The following PRKN variants were observed in gnomAD, a reference collection of about 807,000 sequenced individuals.
PRKN encodes E3 ubiquitin-protein ligase parkin.
In PRKN, 56 loss-of-function variants were observed where a neutral mutation model predicts 59.5. The observed-to-expected ratio is 0.94, with a 90% CI of 0.76 to 1.18. The LOEUF is 1.18. Ranked by LOEUF, PRKN falls within the 50% of genes most tolerant of loss-of-function variation. The probability of loss-of-function intolerance (pLI) is 0.00; values close to 1 mark genes in which losing one functional copy is unlikely to be tolerated. For missense variants in PRKN, 657 were observed against 596.4 expected, an observed-to-expected ratio of 1.10 and a Z score of -1.06; for synonymous variants, 250 against 222.1, an observed-to-expected ratio of 1.13 and a Z score of -1.12.
At chr6:161,539,756 G>T (rs1376162734) in intron 9 of PRKN, among the ~76,000 whole-genome samples, 1 of 152,116 alleles carries the variant, frequency 6.6e-6, no homozygotes, top group Non-Finnish European at 1.5e-5. Context: ...CCCAAAGGCA[G>T]CCACTGTTCC....
intron 1 of PRKN, among the ~76,000 whole-genome samples, chr6:162,682,175 G>A (rs926377531): frequency 2.6e-5 from 4 of 151,946 alleles, no homozygotes; most frequent in African/African-American, 9.7e-5. Context: ...AGTGCATATA[G>A]TAGTGCTGTG....
intron 4 of PRKN, among the ~76,000 whole-genome samples, chr6:162,146,542 T>C (rs1024704665): frequency 6.6e-6 from 1 of 151,762 alleles, no homozygotes; most frequent in Non-Finnish European, 1.5e-5. Flanking sequence ...TCTTGCTCAG[T>C]CACGCAAGCA....
intron 1 of PRKN, among the ~76,000 whole-genome samples, chr6:162,628,360 G>A (rs1298327652): frequency 6.6e-6 from 1 of 152,148 alleles, no homozygotes; most frequent in Non-Finnish European, 1.5e-5. Flanking sequence ...TAACCTCGGA[G>A]ATGAAGAAAG....
At chr6:161,670,048 T>G (rs1784853934) in intron 7 of PRKN, among the ~76,000 whole-genome samples, 1 of 152,218 alleles carries the variant, frequency 6.6e-6, no homozygotes, top group Non-Finnish European at 1.5e-5. Context: ...ACTGAAGATC[T>G]GAGAGACATA....
At chr6:162,035,961 A>C (rs1467237518) in intron 5 of PRKN, among the ~76,000 whole-genome samples, 1 of 152,242 alleles carries the variant, frequency 6.6e-6, no homozygotes, top group Non-Finnish European at 1.5e-5. Flanking sequence ...ACTAGAAAAG[A>C]TTTTCATTAA....
intron 2 of PRKN, among the ~76,000 whole-genome samples, chr6:162,285,316 C>G (rs1254891925): frequency 1.7e-5 from 2 of 116,982 alleles, no homozygotes; most frequent in Non-Finnish European, 3.3e-5. Context: ...GGCATATACT[C>G]TTGACATAAC....
intron 7 of PRKN, among the ~76,000 whole-genome samples, chr6:161,678,723 C>T (rs1785186640): frequency 6.6e-6 from 1 of 151,918 alleles, no homozygotes; most frequent in Admixed American, 6.6e-5. Context: ...CACCACCATG[C>T]CTGGCTAATT....
intron 7 of PRKN, among the ~76,000 whole-genome samples, chr6:161,632,619 C>T (rs1010929020): frequency 6.6e-6 from 1 of 152,142 alleles, no homozygotes; most frequent in African/African-American, 2.4e-5. Flanking sequence ...CTGTATTAGT[C>T]CATTCTCACA....
chr6:162,231,082 T>C (rs1778402832), intron 3 of PRKN, among the ~76,000 whole-genome samples: 1 of 152,160 alleles, frequency 6.6e-6, no homozygotes, highest in Non-Finnish European at 1.5e-5. Context: ...AATTCGCTCC[T>C]CACTGGAAAC....
At chr6:161,387,196 A>G (rs990651883) in intron 9 of PRKN, among the ~76,000 whole-genome samples, 1 of 152,148 alleles carries the variant, frequency 6.6e-6, no homozygotes, top group Non-Finnish European at 1.5e-5. Flanking sequence ...CTTGAATTGT[A>G]GTTCCCATAA....
intron 4 of PRKN, among the ~76,000 whole-genome samples, chr6:162,060,939 T>C (rs780763718): frequency 6.6e-6 from 1 of 152,230 alleles, no homozygotes; most frequent in East Asian, 1.9e-4. Flanking sequence ...CATAATTAAG[T>C]GTCAGGGACT....
intron 6 of PRKN, among the ~76,000 whole-genome samples, chr6:161,879,498 C>T (rs1794853232): frequency 6.6e-6 from 1 of 152,050 alleles, no homozygotes; most frequent in South Asian, 2.1e-4. Flanking sequence ...TAGGCGTGAG[C>T]CACCACACCA....
intron 1 of PRKN, chr6:162,569,076 T>G (rs977616007): frequency 1.5e-6 from 1 of 672,314 alleles, no homozygotes; most frequent in African/African-American, 1.8e-5. Context: ...TTCCTGGACA[T>G]GGACAGCATC....
At chr6:162,340,366 G>T (rs1583409685) in intron 2 of PRKN, among the ~76,000 whole-genome samples, 2 of 152,194 alleles carry the variant, frequency 1.3e-5, no homozygotes, top group East Asian at 3.9e-4. Context: ...GATGAAAAAA[G>T]TGAACTTCTT....
chr6:162,450,409 T>TGCCCCTGTGAA (rs1790566752), intron 1 of PRKN, among the ~76,000 whole-genome samples: 1 of 141,860 alleles, frequency 7.0e-6, no homozygotes, highest in African/African-American at 2.7e-5. Flanking sequence ...GCCCCTATGA[T>TGCCCCTGTGAA]TGTAACACCC....
At chr6:162,617,458 C>G (rs563984432) in intron 1 of PRKN, among the ~76,000 whole-genome samples, 2 of 152,118 alleles carry the variant, frequency 1.3e-5, no homozygotes, top group African/African-American at 4.8e-5. Flanking sequence ...TCTTGAACTC[C>G]CGACCTCAAG....
chr6:162,223,369 T>C (rs1177710552), intron 3 of PRKN, among the ~76,000 whole-genome samples: 3 of 152,000 alleles, frequency 2.0e-5, no homozygotes, highest in Non-Finnish European at 4.4e-5. Flanking sequence ...GTAGCTAGCA[T>C]GTAATAAAAG....
intron 6 of PRKN, among the ~76,000 whole-genome samples, chr6:161,827,065 C>T (rs773509139): frequency 6.6e-6 from 1 of 152,124 alleles, no homozygotes; most frequent in Non-Finnish European, 1.5e-5. Flanking sequence ...ATAAAATGAG[C>T]CAGGAAAATT....
At chr6:161,474,210 T>C (rs1027024348) in intron 9 of PRKN, among the ~76,000 whole-genome samples, 2 of 152,192 alleles carry the variant, frequency 1.3e-5, no homozygotes, top group Admixed American at 6.5e-5. Context: ...ATGTGAGGAA[T>C]GAATTGGCTA....
Sources: gnomAD v4.1 joint callset for allele counts (sites outside exome capture counted in the v4.1 genomes callset) on GRCh38, gnomAD v4.1.1 for gene constraint, MANE v1.5 for transcripts, NCBI Gene and HGNC (gene_info 2026-07-23, HGNC 2026-07-21) for gene names.